PIEZO2: variants seen among roughly 807,000 people sequenced by gnomAD.
PIEZO2 encodes the protein piezo-type mechanosensitive ion channel component 2.
In PIEZO2, 172 loss-of-function variants were observed where a neutral mutation model predicts 337.3. The observed-to-expected ratio is 0.51, with a 90% confidence interval of 0.45 to 0.58. The LOEUF is 0.58. PIEZO2 is among the 20% of genes least tolerant of loss of function. The pLI, the probability that PIEZO2 is intolerant of heterozygous loss-of-function variation, is 0.00. For missense variants in PIEZO2, 3,028 were observed against 3,391.3 expected (o/e 0.89, Z 2.66); for synonymous variants, 1,251 against 1,228.5 (o/e 1.02, Z -0.38).
intron 36 of PIEZO2, among the ~76,000 whole-genome samples, chr18:10,721,638 T>A (rs188700115): frequency 6.6e-6 from 1 of 152,084 alleles, no homozygotes; most frequent in African/African-American, 2.4e-5. Flanking sequence ...ACTCTATAGT[T>A]ACTAGACTCA....
Position 10,929,975 on chromosome 18 carries a change from C to G in PIEZO2, c.287-18747G>C, listed in dbSNP as rs1053600855. 3.3e-5 allele frequency among the ~76,000 whole-genome samples: 5 copies of G among 152,126 alleles called. No individual in the cohort carries two copies. Among genetic ancestry groups the G allele is most frequent in the African/African-American group, 7.2e-5 (3 of 41,424 alleles). ...TCTTTCCTTTGGAGTTGAGGCACCACGGACCAGCATTAACATTAAAACAGA... is the reference window on the plus strand; with the variant it reads ...TCTTTCCTTTGGAGTTGAGGCACCAGGGACCAGCATTAACATTAAAACAGA... On this transcript the variant is annotated intron_variant, in intron 3 of 55. Coordinates refer to ENST00000674853, the MANE Select transcript of PIEZO2 (RefSeq NM_001378183.1). This position sits in a 1 kb window ranked among gnomAD's most constrained non-coding sequence, Gnocchi z 5.6.
intron 2 of PIEZO2, among the ~76,000 whole-genome samples, chr18:11,046,548 G>A (rs1227710638): frequency 1.3e-5 from 2 of 152,244 alleles, no homozygotes; most frequent in South Asian, 2.1e-4. Context: ...GGAAGTGAGA[G>A]AGTGCACGCG....
chr18:11,056,646 A>C (rs1460393310), intron 2 of PIEZO2, among the ~76,000 whole-genome samples: 1 of 152,180 alleles, frequency 6.6e-6, no homozygotes, highest in Non-Finnish European at 1.5e-5. Context: ...CAAGGCAGGA[A>C]GGCTGCAGGG....
chr18:11,142,565 A>T (rs553316440), intron 1 of PIEZO2, among the ~76,000 whole-genome samples: 1 of 151,898 alleles, frequency 6.6e-6, no homozygotes, highest in Non-Finnish European at 1.5e-5. Context: ...GGATCACTTG[A>T]AGTCAGGAGT....
rs1232576887 is a variant in PIEZO2 at position 10,781,575 on chromosome 18, A to C, written c.2493-1209T>G. On this transcript the variant is annotated intron_variant, in intron 17 of 55. Coordinates refer to ENST00000674853, the MANE Select transcript of PIEZO2 (RefSeq NM_001378183.1). The surrounding 1 kb of genome is among the most constrained non-coding windows in gnomAD (Gnocchi z 4.1). ...TGTTATACGTTATAATTCTTATAATATGAAATTCTATCAATATATAGGTGA... is the reference window on the plus strand; with the variant it reads ...TGTTATACGTTATAATTCTTATAATCTGAAATTCTATCAATATATAGGTGA... 2.0e-5 allele frequency among the ~76,000 whole-genome samples: 3 copies of C among 152,146 alleles called. No individual in the cohort carries two copies. The highest frequency in any genetic ancestry group is 4.4e-5 in the Non-Finnish European group (3 of 68,026).
chr18:11,018,963 G>A (rs955665246), intron 2 of PIEZO2, among the ~76,000 whole-genome samples: 3 of 152,062 alleles, frequency 2.0e-5, no homozygotes, highest in Non-Finnish European at 1.5e-5. Flanking sequence ...CAGGTGTTTC[G>A]TGAGTGTGTG....
intron 2 of PIEZO2, among the ~76,000 whole-genome samples, chr18:11,064,691 G>T (rs977507254): frequency 2.6e-5 from 4 of 152,162 alleles, no homozygotes; most frequent in Non-Finnish European, 5.9e-5. Flanking sequence ...TGTCACAGAA[G>T]TATGTAGGGG....
At chr18:11,082,890 T>C (rs73400530) in intron 1 of PIEZO2, among the ~76,000 whole-genome samples, 3,422 of 152,222 alleles carry the variant, frequency 0.022, 142 homozygotes, top group African/African-American at 0.078. Flanking sequence ...ATGAGCGACA[T>C]TGCAAAGGAA....
intron 21 of PIEZO2, 48 bp from the exon 22 acceptor site, chr18:10,763,146 T>C (rs757247584): frequency 6.6e-7 from 1 of 1,507,592 alleles, no homozygotes; most frequent in South Asian, 1.2e-5. Flanking sequence ...TAACACGGCA[T>C]AACAAACAGG....
chr18:10,829,228 A>T (rs2040769854), intron 7 of PIEZO2, among the ~76,000 whole-genome samples: 1 of 152,090 alleles, frequency 6.6e-6, no homozygotes, highest in African/African-American at 2.4e-5. Flanking sequence ...ATATTTTGGG[A>T]TCACCTGACG....
In PIEZO2 at chr18:11,102,427, A is replaced by G. The variant is rs1044166547; in HGVS notation, c.65-36205T>C. 2.6e-5 allele frequency among the ~76,000 whole-genome samples: 4 copies of G among 152,152 alleles called. No individual in the cohort carries two copies. The highest frequency in any genetic ancestry group is 9.7e-5 in the African/African-American group (4 of 41,434). On this transcript the variant is annotated intron_variant, in intron 1 of 55. Coordinates refer to ENST00000674853, the MANE Select transcript of PIEZO2 (RefSeq NM_001378183.1). The surrounding 1 kb of genome is among the most constrained non-coding windows in gnomAD (Gnocchi z 5.7). ...AGTGGGCAAAACCCTGATCTGATTGAAGATCGAATCTCACCCTGTCCCCCA... is the reference window on the plus strand; with the variant it reads ...AGTGGGCAAAACCCTGATCTGATTGGAGATCGAATCTCACCCTGTCCCCCA...
At chr18:11,144,353 A>C (rs528182685) in intron 1 of PIEZO2, among the ~76,000 whole-genome samples, 5 of 152,326 alleles carry the variant, frequency 3.3e-5, no homozygotes, top group Admixed American at 6.5e-5. Flanking sequence ...AGAAAGTGTG[A>C]CAGAAAAGCA....
At chr18:10,994,280 T>C (rs943246862) in intron 2 of PIEZO2, among the ~76,000 whole-genome samples, 1 of 152,222 alleles carries the variant, frequency 6.6e-6, no homozygotes, top group African/African-American at 2.4e-5. Context: ...CAATTGCAAA[T>C]TGTGCTGCTA....
In PIEZO2 at chr18:10,813,136, C is replaced by T. The variant is rs1280137562; in HGVS notation, c.918-5862G>A. 1.3e-5 allele frequency among the ~76,000 whole-genome samples: 2 copies of T among 152,052 alleles called. No homozygotes were observed. Among genetic ancestry groups the T allele is most frequent in the East Asian group, 1.9e-4 (1 of 5,164 alleles). On this transcript the variant is annotated intron_variant, in intron 7 of 55. Transcript: ENST00000674853. This position sits in a 1 kb window ranked among gnomAD's most constrained non-coding sequence, Gnocchi z 4.2. ...CTAGGATTACAGGCACGCGCCACCA[C>T]GCTCAGCTAAGTTTTTGTATTTTTA... is the stretch of plus-strand genomic sequence containing the variant.
chr18:11,090,887 C>T (rs1175689940), intron 1 of PIEZO2, among the ~76,000 whole-genome samples: 1 of 148,068 alleles, frequency 6.8e-6, no homozygotes, highest in East Asian at 2.0e-4. Context: ...GCACTCCAGC[C>T]TGGGCGACAG....
At position 11,110,202 on chromosome 18, in the gene PIEZO2, G is replaced by T. The variant is rs902581119; in HGVS notation, c.64+38323C>A. ...TAAAGTGGTGTGATCATAGCTCACTGCATCCTGGAATTCCTGGCCATCCTT... is the reference window on the plus strand; with the variant it reads ...TAAAGTGGTGTGATCATAGCTCACTTCATCCTGGAATTCCTGGCCATCCTT... On this transcript the variant is annotated intron_variant, in intron 1 of 55. Coordinates refer to ENST00000674853, the MANE Select transcript of PIEZO2 (RefSeq NM_001378183.1). This position sits in a 1 kb window ranked among gnomAD's most constrained non-coding sequence, Gnocchi z 4.2. 7.2e-5 allele frequency among the ~76,000 whole-genome samples: 11 copies of T among 152,124 alleles called. No homozygotes were observed. The highest frequency in any genetic ancestry group is 1.3e-4 in the Non-Finnish European group (9 of 68,030).
At chr18:10,755,004 G>C (rs868241267) in intron 27 of PIEZO2, among the ~76,000 whole-genome samples, 3 of 152,272 alleles carry the variant, frequency 2.0e-5, no homozygotes, top group African/African-American at 7.2e-5. Context: ...GGCGCAAAGG[G>C]AGTAGCAGGT....
At chr18:10,896,387 T>C (rs1457937812) in intron 4 of PIEZO2, among the ~76,000 whole-genome samples, 1 of 152,168 alleles carries the variant, frequency 6.6e-6, no homozygotes, top group Non-Finnish European at 1.5e-5. Flanking sequence ...GCAGTCTCCA[T>C]CCATTAGTGT....
chr18:11,126,713 C>T lies in PIEZO2; in HGVS notation c.64+21812G>A, dbSNP rs2040193546. The stretch of plus-strand genomic sequence containing the variant: ...ATTGAATGAATCAATGAAAGATCAA[C>T]ATCACAATAATAATTTACATTTATT... On this transcript the variant is annotated intron_variant, in intron 1 of 55. Coordinates refer to ENST00000674853, the MANE Select transcript of PIEZO2 (RefSeq NM_001378183.1). The surrounding 1 kb of genome is among the most constrained non-coding windows in gnomAD (Gnocchi z 4.6). Among the ~76,000 whole-genome samples, 1 of 151,684 alleles carries T rather than the reference C, an allele frequency of 6.6e-6. No individual in the cohort carries two copies. The highest frequency in any genetic ancestry group is 2.4e-5 in the African/African-American group (1 of 41,242).
Sources: allele counts gnomAD v4.1 joint callset (sites outside exome capture counted in the v4.1 genomes callset), GRCh38; gene constraint gnomAD v4.1.1; non-coding constraint Gnocchi (gnomAD v3.1); transcripts MANE v1.5; gene names NCBI Gene and HGNC (gene_info 2026-07-23, HGNC 2026-07-21).